The following LINC00632 variants were observed in gnomAD, a reference collection of about 807,000 sequenced individuals.
The protein encoded by LINC00632 is ALDOA related specific transcript.
intron 3 of LINC00632, among the ~76,000 whole-genome samples, chrX:140,750,569 T>G (rs1003359453): frequency 5.4e-5 from 6 of 111,120 alleles, no homozygotes; most frequent in Admixed American, 4.8e-4. Flanking sequence ...ATATATGCCA[T>G]TTTTGGTCAA....
intron 3 of LINC00632, among the ~76,000 whole-genome samples, chrX:140,759,179 G>A (rs1156759611): frequency 1.9e-5 from 2 of 105,655 alleles, no homozygotes; most frequent in East Asian, 3.0e-4. Context: ...TCTCCATGTT[G>A]GTCAGGCTGG....
chrX:140,739,230 T>C (rs1434232276), intron 3 of LINC00632, among the ~76,000 whole-genome samples: 1 of 111,022 alleles, frequency 9.0e-6, no homozygotes, highest in Non-Finnish European at 1.9e-5. Context: ...TCTTTTTTTT[T>C]CTTTTTGAGA....
exon 5 of LINC00632, among the ~76,000 whole-genome samples, chrX:140,788,899 G>A (rs1187105268): frequency 1.2e-4 from 2 of 16,465 alleles, no homozygotes; most frequent in Non-Finnish European, 2.2e-4. Flanking sequence ...ACACATATAT[G>A]TGTATATATA....
chrX:140,752,199 C>T (rs1246739550), intron 3 of LINC00632, among the ~76,000 whole-genome samples: 1 of 111,691 alleles, frequency 9.0e-6, no homozygotes, highest in East Asian at 2.8e-4. Context: ...CCACCATGAG[C>T]AAGAAACAAA....
chrX:140,769,477 C>G (rs952158321), intron 3 of LINC00632, among the ~76,000 whole-genome samples: 1 of 109,293 alleles, frequency 9.1e-6, no homozygotes, highest in Non-Finnish European at 1.9e-5. Context: ...TTCTCCACCC[C>G]ACCCCCCCCA....
chrX:140,786,079 A>C (rs908083706), exon 5 of LINC00632, among the ~76,000 whole-genome samples: 34 of 112,088 alleles, frequency 3.0e-4, no homozygotes, highest in African/African-American at 1.1e-3. Flanking sequence ...GGCTGGCATG[A>C]AAAGCATGAA....
intron 3 of LINC00632, among the ~76,000 whole-genome samples, chrX:140,749,632 G>A (rs1455219279): frequency 9.0e-6 from 1 of 110,997 alleles, no homozygotes; most frequent in Non-Finnish European, 1.9e-5. Context: ...TAATGTTTGT[G>A]GGTAACTACT....
intron 2 of LINC00632, chrX:140,716,021 G>A (rs1271444248): frequency 5.3e-5 from 6 of 112,514 alleles, no homozygotes; most frequent in Non-Finnish European, 1.1e-4. Flanking sequence ...GCACAGAATT[G>A]CATCATAACA....
chrX:140,780,177 C>T (rs1028485321), exon 5 of LINC00632, among the ~76,000 whole-genome samples: 3 of 111,627 alleles, frequency 2.7e-5, no homozygotes, highest in African/African-American at 9.8e-5. Flanking sequence ...ACATAGTAAG[C>T]GCTCAATAAA....
intron 2 of LINC00632, among the ~76,000 whole-genome samples, chrX:140,724,829 C>T (rs1602736343): frequency 2.8e-5 from 1 of 35,629 alleles, no homozygotes; most frequent in South Asian, 1.4e-3. Context: ...CACACGCACA[C>T]ATTCCACACG....
chrX:140,761,004 T>C (rs1931586115), intron 3 of LINC00632, among the ~76,000 whole-genome samples: 2 of 112,370 alleles, frequency 1.8e-5, no homozygotes, highest in Non-Finnish European at 1.9e-5. Context: ...ACTTGAAATG[T>C]TTAATATGAA....
At chrX:140,774,295 T>C (rs767248849) in exon 4 of LINC00632, among the ~76,000 whole-genome samples, 1 of 112,268 alleles carries the variant, frequency 8.9e-6, no homozygotes, top group Non-Finnish European at 1.9e-5. Flanking sequence ...GTGGGCTACA[T>C]ATTGACTTTC....
chrX:140,724,651 CAG>C (rs1260724823), intron 2 of LINC00632, among the ~76,000 whole-genome samples: 1 of 87,947 alleles, frequency 1.1e-5, no homozygotes, highest in Admixed American at 1.3e-4. Flanking sequence ...TCCATACACA[CAG>C]AGACACGTTC....
intron 2 of LINC00632, among the ~76,000 whole-genome samples, chrX:140,724,493 T>C (rs796246451): frequency 7.7e-3 from 12 of 1,554 alleles, no homozygotes; most frequent in East Asian, 0.019. Context: ...ACACACACAT[T>C]CCATACACAC....
At chrX:140,763,019 C>A (rs1231529209) in intron 3 of LINC00632, among the ~76,000 whole-genome samples, 6 of 111,600 alleles carry the variant, frequency 5.4e-5, no homozygotes, top group African/African-American at 2.0e-4. Context: ...ATATTTTTTG[C>A]ATGTATAAAT....
chrX:140,778,511 A>G (rs1157709855), exon 5 of LINC00632, among the ~76,000 whole-genome samples: 3 of 110,263 alleles, frequency 2.7e-5, no homozygotes, highest in African/African-American at 9.9e-5. Context: ...AGTCTGAGGC[A>G]GGAGAATCAC....
chrX:140,733,469 AC>A (rs1931093294), intron 2 of LINC00632, among the ~76,000 whole-genome samples: 1 of 111,909 alleles, frequency 8.9e-6, no homozygotes, highest in African/African-American at 3.2e-5. Context: ...TTGTCTTCTC[AC>A]CTGTAACATG....
exon 5 of LINC00632, chrX:140,783,676 G>C: frequency 7.4e-6 from 9 of 1,210,439 alleles, no homozygotes; most frequent in Non-Finnish European, 1.0e-5. Context: ...CAGTCAGTCA[G>C]TGTCTTCCAG....
At chrX:140,732,177 C>T (rs1474805775) in intron 2 of LINC00632, among the ~76,000 whole-genome samples, 1 of 111,037 alleles carries the variant, frequency 9.0e-6, no homozygotes, top group East Asian at 2.8e-4. Flanking sequence ...GCACTCCAGC[C>T]TGGGCGACAA....
Sources: allele counts gnomAD v4.1 joint callset (sites outside exome capture counted in the v4.1 genomes callset), GRCh38; gene constraint gnomAD v4.1.1; transcripts MANE v1.5; gene names NCBI Gene and HGNC (gene_info 2026-07-23, HGNC 2026-07-21).